The following GRIA3 variants were observed in gnomAD, a reference collection of about 807,000 sequenced individuals.
GRIA3 encodes glutamate receptor 3.
GRIA3 carries 3 observed loss-of-function variants against 63.0 expected under a neutral mutation model. The ratio of observed to expected loss-of-function variants is 0.05; its 90% CI spans 0.02 to 0.12. GRIA3 has a LOEUF of 0.12. Among genes scored for constraint, GRIA3 ranks in the 10% least tolerant of loss-of-function variants. The probability of loss-of-function intolerance (pLI) is 1.00; values close to 1 mark genes in which losing one functional copy is unlikely to be tolerated. For missense variants in GRIA3, 347 were observed against 700.9 expected (o/e 0.50, Z 5.70); for synonymous variants, 274 against 257.9 (o/e 1.06, Z -0.60).
chrX:123,348,875 A>G (rs1266899228), intron 4 of GRIA3, among the ~76,000 whole-genome samples: 1 of 112,186 alleles, frequency 8.9e-6, no homozygotes, highest in Non-Finnish European at 1.9e-5. Context: ...TAAAATTTCA[A>G]CCATAAATGG....
rs989509249 is a variant in GRIA3 at position 123,405,631 on chromosome X, G to A, written c.1500+717G>A. ...AAGTGTTGTTCCCTGAAGGTGCTGA[G>A]CTCTCACTTAGTATAAGCCTGGAAG... On this transcript the variant is annotated intron_variant, in intron 10 of 15. Transcript: ENST00000620443. Among the ~76,000 whole-genome samples the A allele has an allele frequency of 4.5e-5, 5 of 111,802 alleles. No homozygotes were observed. The Admixed American group carries it at 4.8e-4, about 11-fold the overall frequency.
chrX:123,185,680 C>T, intron 1 of GRIA3, 152 bp from the exon 2 acceptor site: 1 of 511,581 alleles, frequency 2.0e-6, no homozygotes, highest in Non-Finnish European at 3.4e-6. Context: ...TCTGAGTTCA[C>T]AAGTCTTGAA....
At chrX:123,447,219 C>T (rs1384749864) in intron 12 of GRIA3, among the ~76,000 whole-genome samples, 1 of 111,316 alleles carries the variant, frequency 9.0e-6, no homozygotes, top group African/African-American at 3.3e-5. Context: ...CCCATCTCTA[C>T]TACAAATACA....
chrX:123,364,789 G>A (rs952295169), intron 5 of GRIA3, among the ~76,000 whole-genome samples: 1 of 112,652 alleles, frequency 8.9e-6, no homozygotes, highest in African/African-American at 3.2e-5. Flanking sequence ...GCCATAAAAG[G>A]GTGGAAATCC....
intron 2 of GRIA3, among the ~76,000 whole-genome samples, chrX:123,192,275 C>T (rs1927456931): frequency 9.0e-6 from 1 of 111,409 alleles, no homozygotes; most frequent in Non-Finnish European, 1.9e-5. Flanking sequence ...GGAGACTGAA[C>T]CTGCCTATGT....
chrX:123,268,516 A>C (rs1191478797), intron 3 of GRIA3, among the ~76,000 whole-genome samples: 1 of 110,245 alleles, frequency 9.1e-6, no homozygotes, highest in African/African-American at 3.3e-5. Context: ...GTCATGGTTC[A>C]TCAGTAAGGT....
intron 3 of GRIA3, among the ~76,000 whole-genome samples, chrX:123,281,950 G>C (rs185166775): frequency 1.9e-3 from 216 of 111,288 alleles, no homozygotes; most frequent in African/African-American, 6.6e-3. Context: ...GAGTTTATAA[G>C]GTAGTTGGTT....
At chrX:123,199,987 G>T (rs1445200641) in intron 2 of GRIA3, among the ~76,000 whole-genome samples, 1 of 111,776 alleles carries the variant, frequency 8.9e-6, no homozygotes, top group Non-Finnish European at 1.9e-5. Flanking sequence ...TGCCAAAGGT[G>T]ATGCAGCTCC....
In GRIA3 at chrX:123,290,879, T is replaced by G. The variant is rs192720554; in HGVS notation, c.509-35147T>G. Among the ~76,000 whole-genome samples, 70 of 111,255 alleles carry G rather than the reference T, an allele frequency of 6.3e-4. No homozygotes were observed. The East Asian group carries it at 0.018, about 29-fold the overall frequency. On this transcript the variant is annotated intron_variant, in intron 3 of 15. Coordinates refer to ENST00000620443, the MANE Select transcript of GRIA3 (RefSeq NM_007325.5). ...GTGGCCACTTATAAGGTGGGGTTAA[T>G]GAGCATCCAAAGTCTTTCTCTGACC... is the stretch of plus-strand genomic sequence containing the variant.
At chrX:123,220,494 G>A (rs190388368) in intron 2 of GRIA3, among the ~76,000 whole-genome samples, 2 of 111,884 alleles carry the variant, frequency 1.8e-5, no homozygotes, top group East Asian at 5.7e-4. Flanking sequence ...ATGAGTTTCT[G>A]CTTGCTGTCC....
At chrX:123,326,420 T>C (rs939888026) in intron 4 of GRIA3, among the ~76,000 whole-genome samples, 2 of 110,696 alleles carry the variant, frequency 1.8e-5, no homozygotes, top group African/African-American at 6.6e-5. Flanking sequence ...TCTAAGCTGT[T>C]GAAAATTGCA....
chrX:123,342,827 C>T (rs540342936), intron 4 of GRIA3, among the ~76,000 whole-genome samples: 2 of 111,347 alleles, frequency 1.8e-5, no homozygotes, highest in Non-Finnish European at 3.8e-5. Flanking sequence ...TCCAAAGTTT[C>T]GGGCCACAAC....
At chrX:123,379,805 C>T (rs1267624667) in intron 5 of GRIA3, among the ~76,000 whole-genome samples, 2 of 82,554 alleles carry the variant, frequency 2.4e-5, no homozygotes, top group Non-Finnish European at 4.6e-5. Context: ...CCCCCCACCC[C>T]ACAACAGGCC....
chrX:123,188,873 T>C (rs1024232170), intron 2 of GRIA3, among the ~76,000 whole-genome samples: 1 of 111,843 alleles, frequency 8.9e-6, no homozygotes, highest in African/African-American at 3.3e-5. Context: ...TATGTGTCCC[T>C]GTTCTCTGTT....
intron 3 of GRIA3, among the ~76,000 whole-genome samples, chrX:123,274,396 C>T (rs1170503750): frequency 1.8e-5 from 2 of 111,334 alleles, no homozygotes; most frequent in Non-Finnish European, 3.8e-5. Flanking sequence ...GGGGTGAGGG[C>T]AATGAGAAAG....
rs1233180852 is a variant in GRIA3 at position 123,196,768 on chromosome X, T to G, written c.268+10778T>G. On this transcript the variant is annotated intron_variant, in intron 2 of 15. Coordinates refer to ENST00000620443, the MANE Select transcript of GRIA3 (RefSeq NM_007325.5). ...ACTATTAATTTCACCAATGAGAAGT[T>G]TAATGTTAATTAACAAAGCCTCTGG... 8.1e-4 allele frequency among the ~76,000 whole-genome samples: 91 copies of G among 112,215 alleles called. 4 individuals are homozygous for G. The highest frequency in any genetic ancestry group is 3.8e-5 in the Non-Finnish European group (2 of 53,270).
intron 2 of GRIA3, among the ~76,000 whole-genome samples, chrX:123,200,957 A>G (rs1236006296): frequency 9.0e-6 from 1 of 111,720 alleles, no homozygotes; most frequent in Admixed American, 9.5e-5. Context: ...TCCTGGATCT[A>G]TCTCTTTCTT....
intron 2 of GRIA3, among the ~76,000 whole-genome samples, chrX:123,250,713 T>G (rs941882671): frequency 1.4e-4 from 16 of 111,848 alleles, no homozygotes; most frequent in Admixed American, 2.9e-4. Flanking sequence ...CCATTATTAG[T>G]AAGGAGAGGT....
At chrX:123,394,230 C>A (rs2045401063) in intron 5 of GRIA3, among the ~76,000 whole-genome samples, 1 of 110,931 alleles carries the variant, frequency 9.0e-6, no homozygotes, top group Non-Finnish European at 1.9e-5. Flanking sequence ...GGCATGGTGG[C>A]ATGCGCCTGT....
Sources: allele counts gnomAD v4.1 joint callset (sites outside exome capture counted in the v4.1 genomes callset), GRCh38; gene constraint gnomAD v4.1.1; transcripts MANE v1.5; gene names NCBI Gene and HGNC (gene_info 2026-07-23, HGNC 2026-07-21).